ZMYND8: variants seen among roughly 807,000 people sequenced by gnomAD.
The protein encoded by ZMYND8 is zinc finger MYND-type containing 8.
A neutral mutation model predicts 140.8 loss-of-function variants in ZMYND8; 37 were observed. The observed-to-expected ratio is 0.26, with a 90% confidence interval of 0.20 to 0.35. The LOEUF is 0.35. Ranked by LOEUF, ZMYND8 falls within the 10% of genes least tolerant of loss-of-function variation. The probability of loss-of-function intolerance (pLI) is 1.00; values close to 1 mark genes in which losing one functional copy is unlikely to be tolerated. For missense variants in ZMYND8, 1,068 were observed against 1,570.0 expected (o/e 0.68, Z 5.40); for synonymous variants, 592 against 597.1 (o/e 0.99, Z 0.12).
chr20:47,219,223 A>G (rs1283388912), intron 21 of ZMYND8, among the ~76,000 whole-genome samples: 1 of 149,486 alleles, frequency 6.7e-6, no homozygotes, highest in African/African-American at 2.5e-5. Context: ...ACGCCCAGCT[A>G]ATTTTTGTAC....
intron 21 of ZMYND8, among the ~76,000 whole-genome samples, chr20:47,219,730 A>T (rs921917093): frequency 9.2e-5 from 14 of 151,940 alleles, no homozygotes; most frequent in Admixed American, 5.9e-4. Flanking sequence ...AGAAGAAAAA[A>T]CCTAGATGTC....
chr20:47,356,545 T>C, intron 1 of ZMYND8, 112 bp downstream of exon 1: 3 of 1,612,768 alleles, frequency 1.9e-6, no homozygotes, highest in African/African-American at 1.3e-5. Context: ...TTAACATAAG[T>C]GCTCTGGGGG....
chr20:47,222,541 A>G (rs532470784), intron 19 of ZMYND8, among the ~76,000 whole-genome samples: 2 of 151,740 alleles, frequency 1.3e-5, no homozygotes, highest in East Asian at 1.9e-4. Flanking sequence ...GTCTCAACGA[A>G]AAAAAAAAGG....
intron 18 of ZMYND8, among the ~76,000 whole-genome samples, chr20:47,225,596 AGGAGGGGATGGGAG>A (rs2037596706): frequency 2.1e-4 from 1 of 4,792 alleles, no homozygotes; most frequent in Non-Finnish European, 3.4e-4. Flanking sequence ...AGGAAGGGGA[AGGAGGGGATGGGAG>A]GGGAATGGTC....
At chr20:47,251,193 ATGTG>A (rs2074140711) in intron 12 of ZMYND8, among the ~76,000 whole-genome samples, 1 of 152,158 alleles carries the variant, frequency 6.6e-6, no homozygotes, top group African/African-American at 2.4e-5. Context: ...GTGTGCATGC[ATGTG>A]TGTGTGCACA....
In ZMYND8 at chr20:47,246,382, G is replaced by A; in HGVS notation, c.1910C>T (p.Thr637Ile). ...CATCTGACAACCTTCTTTGTCCTCT[G>A]TGTCTTCTGGCTCGTTCTTAGACTT... The part of the protein sequence containing the change: ...EQKSKNEPED[T>I]EDKEGCQMDK... Residue 637 changes from threonine to isoleucine, a missense_variant, in exon 14 of 23, where the codon ACA (threonine) becomes ATA (isoleucine). Thr to Ile is a moderately conservative substitution (Grantham distance 89, BLOSUM62 -1). Around this residue, in one of 10 missense-constraint regions of ZMYND8, gnomAD observed 383 missense variants for 431.2 expected, o/e 0.89. Coordinates refer to ENST00000471951, the MANE Select transcript of ZMYND8 (RefSeq NM_001281775.3). 3 of 1,613,906 alleles carry A rather than the reference G, an allele frequency of 1.9e-6. No individual in the cohort carries two copies. Among genetic ancestry groups the A allele is most frequent in the Non-Finnish European group, 1.7e-6 (2 of 1,179,982 alleles).
At chr20:47,283,148 AT>A (rs1254217421) in intron 9 of ZMYND8, among the ~76,000 whole-genome samples, 8 of 152,088 alleles carry the variant, frequency 5.3e-5, no homozygotes, top group Non-Finnish European at 7.4e-5. Context: ...GGGTGACTTT[AT>A]TTCCCCCAAG....
At chr20:47,217,416 A>G (rs546873145) in intron 21 of ZMYND8, among the ~76,000 whole-genome samples, 1 of 152,346 alleles carries the variant, frequency 6.6e-6, no homozygotes, top group South Asian at 2.1e-4. Context: ...ATCAAGAAAT[A>G]TGAGAGATGC....
intron 3 of ZMYND8, among the ~76,000 whole-genome samples, chr20:47,302,112 A>C (rs904984875): frequency 6.6e-6 from 1 of 152,200 alleles, no homozygotes; most frequent in African/African-American, 2.4e-5. Flanking sequence ...TACATTACCC[A>C]GTCTCGGGTA....
chr20:47,331,933 G>T lies in ZMYND8; in HGVS notation c.85+15923C>A, dbSNP rs2080986921. Among the ~76,000 whole-genome samples the T allele has an allele frequency of 2.0e-5, 3 of 152,350 alleles. No individual in the cohort carries two copies. In the South Asian group the frequency reaches 6.2e-4, roughly 32 times the overall value. ...TAAGAAGTTTGGCTTGCTGGACGCG[G>T]TGGCTCACGCCTGTAATCCCAGCAC... On this transcript the variant is annotated intron_variant, in intron 2 of 22. Transcript: ENST00000471951.
chr20:47,353,169 G>A (rs1431965852), intron 1 of ZMYND8: 2 of 152,086 alleles, frequency 1.3e-5, no homozygotes, highest in African/African-American at 4.8e-5. Context: ...GGTTTTCTAG[G>A]TTACTGTCAC....
intron 22 of ZMYND8, among the ~76,000 whole-genome samples, chr20:47,211,231 C>T (rs530075615): frequency 1.3e-5 from 2 of 152,274 alleles, no homozygotes; most frequent in East Asian, 1.9e-4. Context: ...CATCACTGAA[C>T]GACACCAAGC....
Position 47,298,441 on chromosome 20 carries a change from A to G in ZMYND8, c.453+288T>C, listed in dbSNP as rs2077787717. On this transcript the variant is annotated intron_variant, in intron 4 of 22. Coordinates refer to ENST00000471951, the MANE Select transcript of ZMYND8 (RefSeq NM_001281775.3). This position sits in a 1 kb window ranked among gnomAD's most constrained non-coding sequence, Gnocchi z 5.0. ...TTCATGATTTGGGAGTTAACTTTCA[A>G]AAAGTTCATCATAGAAGATGCAGAG... 6.1e-6 allele frequency: 6 copies of G among 985,448 alleles called. No individual in the cohort carries two copies. Among genetic ancestry groups the G allele is most frequent in the Non-Finnish European group, 6.0e-6 (5 of 829,932 alleles). 61.0% of individuals were successfully genotyped at this position (985,448 alleles called of 1,614,324 possible). A position where few individuals can be genotyped will look rare whatever the true frequency, so the allele number is the denominator to read the frequency against.
intron 2 of ZMYND8, among the ~76,000 whole-genome samples, chr20:47,323,776 C>A (rs548048899): frequency 6.6e-6 from 1 of 152,112 alleles, no homozygotes; most frequent in East Asian, 1.9e-4. Context: ...AACTGCACTC[C>A]CCTCTCCACT....
intron 2 of ZMYND8, among the ~76,000 whole-genome samples, chr20:47,332,267 T>G (rs763382797): frequency 6.6e-6 from 1 of 152,028 alleles, no homozygotes. Flanking sequence ...GCCAAAATTG[T>G]GCCACTGCAC....
intron 12 of ZMYND8, among the ~76,000 whole-genome samples, chr20:47,257,884 G>T (rs1288530547): frequency 6.6e-6 from 1 of 152,032 alleles, no homozygotes; most frequent in African/African-American, 2.4e-5. Context: ...GTACCACAGG[G>T]TCTCACTCTC....
At chr20:47,332,423 T>G (rs2081034460) in intron 2 of ZMYND8, among the ~76,000 whole-genome samples, 1 of 152,294 alleles carries the variant, frequency 6.6e-6, no homozygotes, top group Non-Finnish European at 1.5e-5. Context: ...TTTAAAAGTC[T>G]GTGACTCCAA....
chr20:47,252,792 G>A (rs993448726), intron 12 of ZMYND8, among the ~76,000 whole-genome samples: 1 of 152,076 alleles, frequency 6.6e-6, no homozygotes, highest in Non-Finnish European at 1.5e-5. Flanking sequence ...GGTGGCACAC[G>A]CCTGTAATCC....
chr20:47,312,626 C>A (rs926058919), intron 2 of ZMYND8, among the ~76,000 whole-genome samples: 6 of 151,934 alleles, frequency 3.9e-5, no homozygotes, highest in Admixed American at 3.9e-4. Flanking sequence ...TACTTTTGTA[C>A]TAAAAACACA....
Sources: gnomAD v4.1 joint callset for allele counts (sites outside exome capture counted in the v4.1 genomes callset) on GRCh38, gnomAD v4.1.1 for gene constraint, gnomAD v4.1.1 regional missense constraint, Gnocchi (gnomAD v3.1) non-coding constraint, MANE v1.5 for transcripts, NCBI Gene and HGNC (gene_info 2026-07-23, HGNC 2026-07-21) for gene names.